Variants in POMZP3 observed in about 807,000 individuals in gnomAD.
POMZP3 encodes the protein POM121 and ZP3 fusion.
POMZP3 carries 10 observed loss-of-function variants against 19.8 expected under a neutral mutation model. That is an observed-to-expected ratio of 0.51 (90% confidence interval 0.31 to 0.86). The LOEUF (loss-of-function observed/expected upper bound fraction) is 0.86, where lower values mean the gene tolerates loss of function less well. Among genes scored for constraint, POMZP3 ranks in the 40% least tolerant of loss-of-function variants. The pLI is 0.04. For missense variants in POMZP3, 152 were observed against 228.1 expected, an observed-to-expected ratio of 0.67 and a Z score of 2.15; for synonymous variants, 57 against 85.8, an observed-to-expected ratio of 0.66 and a Z score of 1.85.
intron 3 of POMZP3, among the ~76,000 whole-genome samples, chr7:76,621,558 A>C (rs955184146): frequency 6.6e-6 from 1 of 151,834 alleles, no homozygotes; most frequent in African/African-American, 2.4e-5. Context: ...ATTGGGCTGC[A>C]TTCCCAGATG....
chr7:76,622,101 G>A (rs1156568391), intron 3 of POMZP3, among the ~76,000 whole-genome samples: 23 of 145,248 alleles, frequency 1.6e-4, no homozygotes, highest in Admixed American at 2.8e-4. Context: ...CCATGGCAAC[G>A]TCAGGAAGTT....
At chr7:76,611,921 G>C in intron 4 of POMZP3, 108 bp from the exon 5 acceptor site, 2 of 1,537,902 alleles carry the variant, frequency 1.3e-6, no homozygotes, top group Non-Finnish European at 1.8e-6. Flanking sequence ...AGAAGGGGCC[G>C]GGTGCGATGG....
rs1181961791 is a variant in POMZP3 at position 76,614,570 on chromosome 7, A to AAC, written c.346-2758_346-2757insGT. On this transcript the variant is annotated intron_variant, in intron 4 of 6. Transcript: ENST00000310842. ...AGTGACACTCCATTTCCCCCAAAAAAAAAAAAAAAAAAGAGGGGAGTGTGA... is the reference window on the plus strand; with the variant it reads ...AGTGACACTCCATTTCCCCCAAAAAAACAAAAAAAAAAAAGAGGGGAGTGTGA... Among the ~76,000 whole-genome samples the AAC allele has an allele frequency of 4.8e-5, 4 of 84,176 alleles. 2 individuals carry two copies. The highest frequency in any genetic ancestry group is 2.1e-4 in the African/African-American group (4 of 19,504). The allele number at this position is 84,176 out of a possible 152,430, so 55.2% of individuals were successfully genotyped here. A position where few individuals can be genotyped will look rare whatever the true frequency, so the allele number is the denominator to read the frequency against.
chr7:76,627,256 G>T lies in POMZP3; in HGVS notation c.-700C>A. The T allele has an allele frequency of 1.5e-6, 2 of 1,365,676 alleles. No homozygotes were observed. The highest frequency in any genetic ancestry group is 1.9e-6 in the Non-Finnish European group (2 of 1,056,162). 84.6% of individuals were successfully genotyped at this position (1,365,676 alleles called of 1,614,324 possible). A position where few individuals can be genotyped will look rare whatever the true frequency, so the allele number is the denominator to read the frequency against. On this transcript the variant is annotated 5_prime_UTR_variant, in exon 1 of 7. Coordinates refer to ENST00000310842, the MANE Select transcript of POMZP3 (RefSeq NM_012230.5). ...CCGCCGCAGCCGCCGGAGACATCGCGGCTCCGCGCCGCGGAGGAGACTTAA... is the reference window on the plus strand; with the variant it reads ...CCGCCGCAGCCGCCGGAGACATCGCTGCTCCGCGCCGCGGAGGAGACTTAA...
intron 3 of POMZP3, among the ~76,000 whole-genome samples, chr7:76,621,891 G>C (rs1269736725): frequency 7.9e-6 from 1 of 125,966 alleles, no homozygotes; most frequent in African/African-American, 3.1e-5. Flanking sequence ...AGTGAGCCGA[G>C]ATAGCGCTAC....
chr7:76,618,302 T>C lies in POMZP3; in HGVS notation c.228-2A>G, dbSNP rs139784697. ...TCAGTGAGACCGTCGACAAGACAGC[T>C]TGGAAGAAAACAGAACGGTGTTAAA... On this transcript the variant is annotated splice_acceptor_variant, in intron 3 of 6. Coordinates refer to ENST00000310842, the MANE Select transcript of POMZP3 (RefSeq NM_012230.5). LOFTEE classifies it high-confidence loss of function. 4.7e-4 allele frequency: 757 copies of C among 1,613,782 alleles called. 5 individuals carry two copies. The African/African-American group carries it at 8.3e-3, about 18-fold the overall frequency.
chr7:76,624,724 G>T (rs897802604), intron 3 of POMZP3, among the ~76,000 whole-genome samples: 2 of 150,752 alleles, frequency 1.3e-5, no homozygotes, highest in African/African-American at 4.9e-5. Flanking sequence ...GGGATTATAG[G>T]CGTGAGCCAC....
chr7:76,613,510 T>TC, intron 4 of POMZP3, among the ~76,000 whole-genome samples: 1 of 69,126 alleles, frequency 1.4e-5, no homozygotes, highest in African/African-American at 6.1e-5. Flanking sequence ...CCCTACCCTT[T>TC]TTTTTTTTTT....
intron 6 of POMZP3, among the ~76,000 whole-genome samples, chr7:76,610,857 C>G (rs1815056038): frequency 7.1e-6 from 1 of 141,582 alleles, no homozygotes; most frequent in Non-Finnish European, 1.5e-5. Flanking sequence ...GCACAACCCA[C>G]TGTTCTGGCC....
intron 3 of POMZP3, among the ~76,000 whole-genome samples, chr7:76,624,736 T>G (rs1025475387): frequency 6.6e-6 from 1 of 150,736 alleles, no homozygotes; most frequent in East Asian, 2.0e-4. Flanking sequence ...GTGAGCCACC[T>G]TGCCCTTCCA....
At chr7:76,612,921 TG>T (rs369729394) in intron 4 of POMZP3, among the ~76,000 whole-genome samples, 12 of 82,398 alleles carry the variant, frequency 1.5e-4, no homozygotes, top group East Asian at 1.0e-3. Context: ...GTTTTTTTTT[TG>T]TTTTTTTTTT....
intron 4 of POMZP3, among the ~76,000 whole-genome samples, chr7:76,615,080 C>G (rs1815244239): frequency 8.2e-6 from 1 of 121,742 alleles, no homozygotes; most frequent in Non-Finnish European, 1.8e-5. Context: ...GAGGCATCAT[C>G]AATCCTACCT....
At chr7:76,619,103 TAGAG>T (rs1286662654) in intron 3 of POMZP3, among the ~76,000 whole-genome samples, 1 of 152,104 alleles carries the variant, frequency 6.6e-6, no homozygotes, top group Non-Finnish European at 1.5e-5. Flanking sequence ...TTTAAAGATT[TAGAG>T]AGGGCTGTCA....
rs550597655 is a variant in POMZP3, at chr7:76,626,591, G to A, written c.-152+117C>T. Reference sequence around the variant, plus strand: ...CTGGCACACACCAAGGTGTTAAGGAGGGCAAAACCACACACAATTCCCTTC... The same window carrying A: ...CTGGCACACACCAAGGTGTTAAGGAAGGCAAAACCACACACAATTCCCTTC... On this transcript the variant is annotated intron_variant, in intron 1 of 6. Transcript: ENST00000310842. 3.2e-5 allele frequency: 33 copies of A among 1,016,588 alleles called. No homozygotes were observed. In the East Asian group the frequency reaches 6.1e-4, roughly 19 times the overall value. The allele number at this position is 1,016,588 out of a possible 1,614,324, so 63.0% of individuals were successfully genotyped here. A position where few individuals can be genotyped will look rare whatever the true frequency, so the allele number is the denominator to read the frequency against.
At chr7:76,610,281 T>TA (rs1815029180) in intron 6 of POMZP3, 66 bp from the exon 7 acceptor site, 1 of 1,586,416 alleles carries the variant, frequency 6.3e-7, no homozygotes, top group Admixed American at 1.7e-5. Context: ...GTTGGAGGTT[T>TA]TATTCTGCCT....
rs540301829 is a variant in POMZP3 at position 76,625,813 on chromosome 7, A to T, written c.66-130T>A. On this transcript the variant is annotated intron_variant, in intron 2 of 6. Coordinates refer to ENST00000310842, the MANE Select transcript of POMZP3 (RefSeq NM_012230.5). The stretch of plus-strand genomic sequence containing the variant: ...CTCACAACAGTTCCCCTTAGCAAGT[A>T]AAGCTACTTTTTCGTTAACGGCAAA... 2.2e-6 allele frequency: 3 copies of T among 1,384,908 alleles called. No homozygotes were observed. In the East Asian group the frequency reaches 7.1e-5, roughly 33 times the overall value. The allele number at this position is 1,384,908 out of a possible 1,614,324, so 85.8% of individuals were successfully genotyped here. A position where few individuals can be genotyped will look rare whatever the true frequency, so the allele number is the denominator to read the frequency against.
chr7:76,611,398 G>A, intron 6 of POMZP3, 56 bp downstream of exon 6: 5 of 1,482,336 alleles, frequency 3.4e-6, no homozygotes, highest in Non-Finnish European at 4.5e-6. Context: ...ATGACAGCAG[G>A]TACCCTCAAC....
rs1175411618 is a variant in POMZP3, at chr7:76,624,889, T to C, written c.227+633A>G. 3.3e-5 allele frequency among the ~76,000 whole-genome samples: 5 copies of C among 150,726 alleles called. 1 individual carries two copies. Among genetic ancestry groups the C allele is most frequent in the African/African-American group, 7.3e-5 (3 of 41,014 alleles). ...GGCTCAAGCCTGTAATCCCAGCACTTTGGGAGGCCAAGGCGGGCAGATCAC... is the reference window on the plus strand; with the variant it reads ...GGCTCAAGCCTGTAATCCCAGCACTCTGGGAGGCCAAGGCGGGCAGATCAC... On this transcript the variant is annotated intron_variant, in intron 3 of 6. Transcript: ENST00000310842.
intron 4 of POMZP3, among the ~76,000 whole-genome samples, chr7:76,616,591 T>G (rs1368978771): frequency 1.0e-5 from 1 of 98,472 alleles, no homozygotes; most frequent in African/African-American, 4.1e-5. Context: ...GCATGGTGGC[T>G]CACGCCTGTA....
Sources: allele counts gnomAD v4.1 joint callset (sites outside exome capture counted in the v4.1 genomes callset), GRCh38; gene constraint gnomAD v4.1.1; transcripts MANE v1.5; gene names NCBI Gene and HGNC (gene_info 2026-07-23, HGNC 2026-07-21).